The following DLD variants were observed in gnomAD, a reference collection of about 807,000 sequenced individuals.
DLD encodes the protein dihydrolipoyl dehydrogenase, mitochondrial.
A neutral mutation model predicts 62.2 loss-of-function variants in DLD; 36 were observed. The observed-to-expected ratio is 0.58, with a 90% CI of 0.44 to 0.76. DLD has a LOEUF of 0.76. DLD is among the 30% of genes least tolerant of loss of function. The probability of loss-of-function intolerance (pLI) is 0.00; values close to 1 mark genes in which losing one functional copy is unlikely to be tolerated. For missense variants in DLD, 541 were observed against 608.6 expected (o/e 0.89, Z 1.17); for synonymous variants, 204 against 199.6 (o/e 1.02, Z -0.19).
intron 8 of DLD, among the ~76,000 whole-genome samples, chr7:107,912,659 C>T (rs943669519): frequency 6.6e-6 from 1 of 151,876 alleles, no homozygotes; most frequent in Non-Finnish European, 1.5e-5. Context: ...ATCTGGTGCT[C>T]ATTTTAAAAT....
intron 8 of DLD, among the ~76,000 whole-genome samples, chr7:107,914,734 G>T (rs6466207): frequency 0.32 from 48,067 of 151,874 alleles, 8,927 homozygotes; most frequent in Non-Finnish European, 0.41. Context: ...TATGTTCATG[G>T]TTTTTCATAT....
chr7:107,906,330 A>G lies in DLD; in HGVS notation c.646A>G (p.Met216Val), dbSNP rs775732459. The change falls in exon 8 of 14, where the codon ATG (methionine) becomes GTG (valine). Residue 216 changes from methionine (M) to valine (V), a missense_variant. Physicochemically the swap from Met to Val is conservative, Grantham distance 21. Coordinates refer to ENST00000205402, the MANE Select transcript of DLD (RefSeq NM_000108.5). Reference sequence around the variant, plus strand: ...ATCTTTAAAAAAAGTTCCAGAAAAGATGGTTGTTATTGGTGCAGGAGTAAT... The same window carrying G: ...ATCTTTAAAAAAAGTTCCAGAAAAGGTGGTTGTTATTGGTGCAGGAGTAAT... ...ALSLKKVPEK[M>V]VVIGAGVIGV... 2 of 1,611,230 alleles carry G rather than the reference A, an allele frequency of 1.2e-6. No homozygotes were observed. The highest frequency in any genetic ancestry group is 1.7e-6 in the Non-Finnish European group (2 of 1,177,618).
chr7:107,898,689 C>G (rs2031798716), intron 2 of DLD, among the ~76,000 whole-genome samples: 1 of 151,774 alleles, frequency 6.6e-6, no homozygotes, highest in Admixed American at 6.6e-5. Flanking sequence ...CTCCTGGGTT[C>G]ACGCCATTCT....
chr7:107,896,372 C>T (rs1391567766), intron 2 of DLD, among the ~76,000 whole-genome samples: 4 of 151,866 alleles, frequency 2.6e-5, no homozygotes, highest in East Asian at 3.8e-4. Flanking sequence ...TCTTAACATG[C>T]GTACTCTCTG....
intron 7 of DLD, 171 bp downstream of exon 7, chr7:107,905,675 G>C: frequency 3.0e-6 from 2 of 672,982 alleles, no homozygotes; most frequent in Non-Finnish European, 5.1e-6. Context: ...ATTCTGACCA[G>C]CTATAGAACA....
intron 7 of DLD, among the ~76,000 whole-genome samples, 170 bp from the exon 8 acceptor site, chr7:107,906,097 A>G (rs552496777): frequency 6.0e-4 from 91 of 152,132 alleles, no homozygotes; most frequent in Non-Finnish European, 1.2e-3. Context: ...GAATAATGAC[A>G]AAAAAACCAT....
At chr7:107,900,054 AC>A in intron 2 of DLD, among the ~76,000 whole-genome samples, 1 of 152,270 alleles carries the variant, frequency 6.6e-6, no homozygotes, top group South Asian at 2.1e-4. Context: ...GCTAAAAAGC[AC>A]AGATGGATCA....
chr7:107,917,548 G>A, intron 11 of DLD, 86 bp downstream of exon 11: 1 of 1,278,364 alleles, frequency 7.8e-7, no homozygotes, highest in Non-Finnish European at 1.1e-6. Context: ...TTATCATTAT[G>A]CTAATATATT....
intron 8 of DLD, among the ~76,000 whole-genome samples, chr7:107,909,845 T>C (rs2032097659): frequency 7.2e-6 from 1 of 138,542 alleles, no homozygotes; most frequent in Non-Finnish European, 1.6e-5. Context: ...TTAACTTTTT[T>C]TTTTTTTTTT....
chr7:107,897,855 A>C (rs865978134), intron 2 of DLD, among the ~76,000 whole-genome samples: 1 of 152,210 alleles, frequency 6.6e-6, no homozygotes, highest in Admixed American at 6.5e-5. Flanking sequence ...CTGGGATTAC[A>C]CAGACTGACT....
intron 3 of DLD, 104 bp from the exon 4 acceptor site, chr7:107,902,221 C>A: frequency 9.9e-7 from 1 of 1,007,482 alleles, no homozygotes; most frequent in Non-Finnish European, 1.6e-6. Context: ...AAAACATAGC[C>A]CGAATAGCTT....
chr7:107,900,437 T>C (rs2031849691), intron 2 of DLD, among the ~76,000 whole-genome samples: 1 of 152,186 alleles, frequency 6.6e-6, no homozygotes, highest in Non-Finnish European at 1.5e-5. Context: ...ATTATTTTAT[T>C]CTGTTATCAC....
chr7:107,901,885 G>A (rs570777131), intron 3 of DLD, 68 bp downstream of exon 3: 95 of 1,322,778 alleles, frequency 7.2e-5, no homozygotes, highest in South Asian at 2.7e-4. Flanking sequence ...TATTTATAAA[G>A]TACTTTGCAG....
intron 12 of DLD, 104 bp downstream of exon 12, chr7:107,918,165 G>A: frequency 1.5e-6 from 2 of 1,323,058 alleles, no homozygotes; most frequent in Admixed American, 1.7e-5. Flanking sequence ...CTCATTTCCA[G>A]CAAAACTTTG....
rs764708998 is a variant in DLD at position 107,891,246 on chromosome 7, G to T, written c.-5G>T. 6.2e-7 allele frequency: 1 copy of T among 1,614,152 alleles called. No individual in the cohort carries two copies. Among genetic ancestry groups the T allele is most frequent in the Non-Finnish European group, 8.5e-7 (1 of 1,179,968 alleles). ...TATTGGCGGAAAGGAAAATACAGCG[G>T]AAAAATGCAGAGCTGGAGTCGTGTG... On this transcript the variant is annotated 5_prime_UTR_variant, in exon 1 of 14. Transcript: ENST00000205402.
chr7:107,912,854 TA>T (rs1212089859), intron 8 of DLD, among the ~76,000 whole-genome samples: 2 of 152,208 alleles, frequency 1.3e-5, no homozygotes, highest in Non-Finnish European at 1.5e-5. Context: ...TTTGAGGTCT[TA>T]CACAGTAAGT....
intron 2 of DLD, among the ~76,000 whole-genome samples, chr7:107,897,100 G>GT (rs1302902815): frequency 6.6e-6 from 1 of 152,146 alleles, no homozygotes; most frequent in East Asian, 1.9e-4. Flanking sequence ...CTCCCAAAGT[G>GT]TTGGAATTAC....
chr7:107,893,100 C>A, intron 1 of DLD, 100 bp from the exon 2 acceptor site: 1 of 830,716 alleles, frequency 1.2e-6, no homozygotes, highest in Non-Finnish European at 2.0e-6. Flanking sequence ...ATAATCCTCG[C>A]TTGATACGTT....
At position 107,920,529 on chromosome 7, in the gene DLD, C is replaced by T. The variant is rs2032386108; in HGVS notation, c.*1270C>T. The T allele has an allele frequency of 6.6e-6, 1 of 152,244 alleles. No individual in the cohort carries two copies. The highest frequency in any genetic ancestry group is 1.5e-5 in the Non-Finnish European group (1 of 68,050). The allele number at this position is 152,244 out of a possible 1,614,324, so 9.4% of individuals were successfully genotyped here. Reference sequence around the variant, plus strand: ...CTGTCTTGTTTGTAGGTGGCAGCAGCTGAAATCTCTTCTCAGTTGTTTTAG... The same window carrying T: ...CTGTCTTGTTTGTAGGTGGCAGCAGTTGAAATCTCTTCTCAGTTGTTTTAG... On this transcript the variant is annotated 3_prime_UTR_variant, in exon 14 of 14. Coordinates refer to ENST00000205402, the MANE Select transcript of DLD (RefSeq NM_000108.5).
Sources: allele counts gnomAD v4.1 joint callset (sites outside exome capture counted in the v4.1 genomes callset), GRCh38; gene constraint gnomAD v4.1.1; transcripts MANE v1.5; gene names NCBI Gene and HGNC (gene_info 2026-07-23, HGNC 2026-07-21).